Variants in OSBPL10 observed in about 807,000 individuals in gnomAD.
The protein encoded by OSBPL10 is oxysterol-binding protein-related protein 10.
OSBPL10 carries 49 observed loss-of-function variants against 81.7 expected under a neutral mutation model. The ratio of observed to expected loss-of-function variants is 0.60; its 90% CI spans 0.48 to 0.76. OSBPL10 has a LOEUF of 0.76. OSBPL10 is among the 30% of genes least tolerant of loss of function. The pLI is 0.00. For missense variants in OSBPL10, 923 were observed against 987.8 expected, an observed-to-expected ratio of 0.93 and a Z score of 0.88; for synonymous variants, 419 against 383.6, an observed-to-expected ratio of 1.09 and a Z score of -1.08.
At chr3:31,793,778 TAG>T (rs1185146575) in intron 4 of OSBPL10, among the ~76,000 whole-genome samples, 3 of 152,228 alleles carry the variant, frequency 2.0e-5, no homozygotes, top group African/African-American at 7.2e-5. Flanking sequence ...TTTTTGACTA[TAG>T]AGAGTTTAGA....
At chr3:31,775,571 T>A (rs1464144266) in intron 4 of OSBPL10, among the ~76,000 whole-genome samples, 1 of 152,032 alleles carries the variant, frequency 6.6e-6, no homozygotes, top group East Asian at 1.9e-4. Context: ...GGTCAGGGAA[T>A]TGAAAGCATC....
chr3:31,909,430 C>T (rs1696508511), intron 1 of OSBPL10, among the ~76,000 whole-genome samples: 2 of 151,534 alleles, frequency 1.3e-5, no homozygotes, highest in South Asian at 2.1e-4. Context: ...GCTGGCATAA[C>T]GGAAAATGAA....
intron 1 of OSBPL10, among the ~76,000 whole-genome samples, chr3:31,931,482 TC>T (rs1697248695): frequency 6.6e-6 from 1 of 152,114 alleles, no homozygotes; most frequent in Non-Finnish European, 1.5e-5. Context: ...CAGATTCAAC[TC>T]CCTTTAAGGA....
intron 4 of OSBPL10, among the ~76,000 whole-genome samples, chr3:31,779,276 G>C (rs1449331356): frequency 6.6e-6 from 1 of 152,174 alleles, no homozygotes; most frequent in Non-Finnish European, 1.5e-5. Flanking sequence ...CAGAATGGCA[G>C]AATGGATAAA....
In OSBPL10 at chr3:31,972,343, C is replaced by T. The variant is rs538021921; in HGVS notation, c.281+8556G>A. Among the ~76,000 whole-genome samples, 6 of 152,268 alleles carry T rather than the reference C, an allele frequency of 3.9e-5. No homozygotes were observed. The South Asian group carries it at 1.2e-3, about 32-fold the overall frequency. On this transcript the variant is annotated intron_variant, in intron 1 of 11. Coordinates refer to ENST00000396556, the MANE Select transcript of OSBPL10 (RefSeq NM_017784.5). Reference sequence around the variant, plus strand: ...GGTGGAAGTTGCAGTGAGTGGAGATCACGCCACTGCACTCCAGCCTGGGTG... The same window carrying T: ...GGTGGAAGTTGCAGTGAGTGGAGATTACGCCACTGCACTCCAGCCTGGGTG...
In OSBPL10 at chr3:31,897,464, C is replaced by T. The variant is rs181664758; in HGVS notation, c.282-17634G>A. On this transcript the variant is annotated intron_variant, in intron 1 of 11. Transcript: ENST00000396556. The stretch of plus-strand genomic sequence containing the variant: ...AGAACGAACAAGGAATGAAAAGAAG[C>T]GAAAATATCTAAAGAAACAAGGACC... 1.8e-3 allele frequency among the ~76,000 whole-genome samples: 272 copies of T among 152,044 alleles called. 1 individual carries two copies. Among genetic ancestry groups the T allele is most frequent in the Non-Finnish European group, 2.9e-3 (196 of 67,968 alleles).
At chr3:31,988,761 C>T in intron 2 of OSBPL10, 1 of 380,232 alleles carries the variant, frequency 2.6e-6, no homozygotes, top group East Asian at 5.2e-5. Context: ...GTGTCAGTCA[C>T]CTTATAAGCA....
At chr3:31,996,073 G>A (rs548105619) in intron 2 of OSBPL10, among the ~76,000 whole-genome samples, 21 of 152,184 alleles carry the variant, frequency 1.4e-4, no homozygotes, top group Non-Finnish European at 2.8e-4. Context: ...GGGGCTGCCA[G>A]TTTCAAGGCA....
chr3:31,934,374 C>T, intron 1 of OSBPL10, among the ~76,000 whole-genome samples: 1 of 148,984 alleles, frequency 6.7e-6, no homozygotes. Flanking sequence ...ATTTTAAACC[C>T]AAATTTCATA....
chr3:32,060,279 G>A (rs868195597), intron 1 of OSBPL10, among the ~76,000 whole-genome samples: 19 of 152,206 alleles, frequency 1.2e-4, no homozygotes, highest in African/African-American at 2.9e-4. Context: ...GGCAAGATCC[G>A]GCCTCCTTGG....
intron 1 of OSBPL10, among the ~76,000 whole-genome samples, chr3:31,914,809 G>C (rs1696702533): frequency 6.6e-6 from 1 of 152,124 alleles, no homozygotes; most frequent in African/African-American, 2.4e-5. Flanking sequence ...CACATTTCAA[G>C]CACTCAATAG....
intron 4 of OSBPL10, among the ~76,000 whole-genome samples, chr3:31,811,005 A>T (rs1699664888): frequency 6.6e-6 from 1 of 152,200 alleles, no homozygotes; most frequent in Non-Finnish European, 1.5e-5. Context: ...GGTGTCGAGG[A>T]GGTCAATGAG....
At chr3:31,917,980 T>C (rs1696805726) in intron 1 of OSBPL10, among the ~76,000 whole-genome samples, 1 of 152,088 alleles carries the variant, frequency 6.6e-6, no homozygotes, top group East Asian at 1.9e-4. Context: ...GTGAGGTTAA[T>C]CAATGAATAA....
intron 2 of OSBPL10, among the ~76,000 whole-genome samples, chr3:31,994,494 ATGG>A (rs1280397809): frequency 5.4e-5 from 4 of 73,784 alleles, no homozygotes; most frequent in African/African-American, 8.6e-5. Flanking sequence ...GAAAAAAAGG[ATGG>A]ATGGATGGAT....
chr3:32,009,838 T>C lies in OSBPL10; in HGVS notation n.298+36653A>G, dbSNP rs72855519. Among the ~76,000 whole-genome samples, 4 of 152,318 alleles carry C rather than the reference T, an allele frequency of 2.6e-5. No individual in the cohort carries two copies. In the East Asian group the frequency reaches 5.8e-4, roughly 22 times the overall value. ...TTCTATAATTCTGGGGGCTTAGACATGATTTATGATCGTGCTTGTCAGTCA... is the reference window on the plus strand; with the variant it reads ...TTCTATAATTCTGGGGGCTTAGACACGATTTATGATCGTGCTTGTCAGTCA... On this transcript the variant is annotated intron_variant and non_coding_transcript_variant, in intron 2 of 3. Transcript: ENST00000479173.
intron 8 of OSBPL10, among the ~76,000 whole-genome samples, chr3:31,674,534 T>C (rs970993680): frequency 2.6e-5 from 4 of 152,092 alleles, no homozygotes; most frequent in Non-Finnish European, 5.9e-5. Flanking sequence ...CACTCCAGCC[T>C]GGACAACAGA....
In OSBPL10 at chr3:31,949,667, C is replaced by CAAAAAAAAAAA. The variant is rs56002214; in HGVS notation, c.281+31221_281+31231dup. On this transcript the variant is annotated intron_variant, in intron 1 of 11. Coordinates refer to ENST00000396556, the MANE Select transcript of OSBPL10 (RefSeq NM_017784.5). ...TGGGCAACAGAGCAAGACTCTGTCT[C>CAAAAAAAAAAA]AAAAAAAAAAAAAAAAAAAAAAAAA... 3.8e-4 allele frequency among the ~76,000 whole-genome samples: 10 copies of CAAAAAAAAAAA among 26,258 alleles called. 1 individual carries two copies. Among genetic ancestry groups the CAAAAAAAAAAA allele is most frequent in the African/African-American group, 1.3e-3 (8 of 6,062 alleles). The allele number at this position is 26,258 out of a possible 152,430, so 17.2% of individuals were successfully genotyped here. A position where few individuals can be genotyped will look rare whatever the true frequency, so the allele number is the denominator to read the frequency against.
intron 2 of OSBPL10, among the ~76,000 whole-genome samples, chr3:31,992,501 G>A (rs1699044927): frequency 1.3e-5 from 2 of 152,172 alleles, no homozygotes; most frequent in African/African-American, 4.8e-5. Flanking sequence ...CCAGCATCTA[G>A]AGGCTGCCCA....
intron 1 of OSBPL10, among the ~76,000 whole-genome samples, chr3:31,886,633 T>C (rs1695744231): frequency 6.6e-6 from 1 of 152,212 alleles, no homozygotes; most frequent in Admixed American, 6.5e-5. Context: ...AACTATGCCA[T>C]GTTCTTCAGC....
Sources: allele counts gnomAD v4.1 joint callset (sites outside exome capture counted in the v4.1 genomes callset), GRCh38; gene constraint gnomAD v4.1.1; transcripts MANE v1.5; gene names NCBI Gene and HGNC (gene_info 2026-07-23, HGNC 2026-07-21).